EDARADD: variants seen among roughly 807,000 people sequenced by gnomAD.
EDARADD encodes the protein ectodysplasin-A receptor-associated adapter protein.
In EDARADD, 20 loss-of-function variants were observed where a neutral mutation model predicts 25.6. The ratio of observed to expected loss-of-function variants is 0.78; its 90% confidence interval spans 0.55 to 1.14. The LOEUF (loss-of-function observed/expected upper bound fraction) is 1.14. Among genes scored for constraint, EDARADD ranks in the 50% most tolerant of loss-of-function variants. The probability of loss-of-function intolerance (pLI) is 0.00; values close to 1 mark genes in which losing one functional copy is unlikely to be tolerated. For missense variants in EDARADD, 225 were observed against 270.1 expected (o/e 0.83, Z 1.17); for synonymous variants, 86 against 94.4 (o/e 0.91, Z 0.52).
intron 4 of EDARADD, among the ~76,000 whole-genome samples, chr1:236,467,434 A>ACACGCG (rs1307043016): frequency 6.7e-6 from 1 of 149,350 alleles, no homozygotes; most frequent in Non-Finnish European, 1.5e-5. Context: ...GCGCACACAC[A>ACACGCG]CACACACACA....
In EDARADD at chr1:236,404,610, G is replaced by A. The variant is rs549913258; in HGVS notation, c.62-4606G>A. On this transcript the variant is annotated intron_variant, in intron 1 of 5. Transcript: ENST00000334232. ...ACCTGACTAGCCTGGGCAATATAGC[G>A]AGACCCCGTCTCTACAAAAAACAGA... Among the ~76,000 whole-genome samples the A allele has an allele frequency of 1.1e-4, 16 of 152,256 alleles. No homozygotes were observed. In the South Asian group the frequency reaches 3.3e-3, roughly 32 times the overall value.
chr1:236,360,571 A>G (rs1667035555), intron 3 of EDARADD, among the ~76,000 whole-genome samples: 1 of 130,836 alleles, frequency 7.6e-6, no homozygotes, highest in Non-Finnish European at 1.5e-5. Context: ...TTTGAGACAG[A>G]GTCTTGCTCT....
intron 4 of EDARADD, among the ~76,000 whole-genome samples, chr1:236,448,984 C>A (rs1341169952): frequency 3.3e-5 from 5 of 152,126 alleles, no homozygotes; most frequent in Non-Finnish European, 7.3e-5. Context: ...TTATGGTCTC[C>A]CAGTTCTGGA....
At chr1:236,414,322 C>T (rs1657578712) in intron 3 of EDARADD, 23 bp downstream of exon 3, 2 of 1,574,734 alleles carry the variant, frequency 1.3e-6, no homozygotes, top group Non-Finnish European at 1.7e-6. Flanking sequence ...AAAATAACTA[C>T]TTGAACATGT....
At chr1:236,374,282 C>A (rs984975789) in intron 3 of EDARADD, among the ~76,000 whole-genome samples, 1 of 148,780 alleles carries the variant, frequency 6.7e-6, no homozygotes, top group African/African-American at 2.5e-5. Context: ...CCCTTCCTCC[C>A]TTCCTTCCTT....
intron 4 of EDARADD, among the ~76,000 whole-genome samples, chr1:236,460,413 T>C (rs1659007418): frequency 6.6e-6 from 1 of 152,062 alleles, no homozygotes; most frequent in African/African-American, 2.4e-5. Flanking sequence ...TTTGAACTTC[T>C]GGGCTCAGAC....
intron 2 of EDARADD, among the ~76,000 whole-genome samples, chr1:236,412,962 G>A (rs1657537124): frequency 6.6e-6 from 1 of 152,160 alleles, no homozygotes; most frequent in Admixed American, 6.5e-5. Context: ...TCCGCCTCCT[G>A]GGGCAATTCT....
intron 1 of EDARADD, 127 bp from the exon 2 acceptor site, chr1:236,409,089 G>GAAA (rs1432974008): frequency 2.3e-6 from 1 of 436,966 alleles, no homozygotes; most frequent in African/African-American, 2.1e-5. Context: ...AAAAAAAAAG[G>GAAA]AGTAAGGTTT....
intron 4 of EDARADD, among the ~76,000 whole-genome samples, chr1:236,467,092 A>G (rs79527214): frequency 6.7e-6 from 1 of 148,918 alleles, no homozygotes; most frequent in Non-Finnish European, 1.5e-5. Context: ...CAAAAAAAAA[A>G]CACACATTGA....
At chr1:236,445,518 G>A (rs535018449) in intron 4 of EDARADD, among the ~76,000 whole-genome samples, 14 of 152,040 alleles carry the variant, frequency 9.2e-5, no homozygotes, top group Non-Finnish European at 1.9e-4. Flanking sequence ...GTGAGCCACC[G>A]CACCCAGCCC....
intron 3 of EDARADD, among the ~76,000 whole-genome samples, chr1:236,383,801 G>A (rs1667326175): frequency 6.6e-6 from 1 of 151,808 alleles, no homozygotes; most frequent in African/African-American, 2.4e-5. Flanking sequence ...GTCAAAAGCT[G>A]GAGACCAGCC....
intron 3 of EDARADD, among the ~76,000 whole-genome samples, chr1:236,378,964 G>A (rs12123587): frequency 0.095 from 14,406 of 152,124 alleles, 1,026 homozygotes; most frequent in East Asian, 0.3. Flanking sequence ...GTGGAGAGGG[G>A]ATGAGGAGAG....
chr1:236,452,988 G>A (rs1369809086), intron 4 of EDARADD, among the ~76,000 whole-genome samples: 1 of 152,172 alleles, frequency 6.6e-6, no homozygotes, highest in African/African-American at 2.4e-5. Context: ...TGAATGTCAC[G>A]ATGTGAGTAC....
At chr1:236,431,869 C>T in intron 4 of EDARADD, among the ~76,000 whole-genome samples, 1 of 47,642 alleles carries the variant, frequency 2.1e-5, no homozygotes, top group East Asian at 3.5e-4. Context: ...TGCAGTGAGC[C>T]GAGATTGCGC....
In EDARADD at chr1:236,484,087, C is replaced by T. The variant is rs201710490; in HGVS notation, c.*1438C>T. On this transcript the variant is annotated 3_prime_UTR_variant, in exon 6 of 6. Coordinates refer to ENST00000334232, the MANE Select transcript of EDARADD (RefSeq NM_145861.4). This position sits in a 1 kb window ranked among gnomAD's most constrained non-coding sequence, Gnocchi z 4.1. Reference sequence around the variant, plus strand: ...GACTGGGGAGCTTGGCAGAAGTTCACGGCCAGTGCAGGAATCCAGGTAGTG... The same window carrying T: ...GACTGGGGAGCTTGGCAGAAGTTCATGGCCAGTGCAGGAATCCAGGTAGTG... The T allele has an allele frequency of 3.1e-3, 4,927 of 1,574,716 alleles. 13 individuals are homozygous for T. Among genetic ancestry groups the T allele is most frequent in the Non-Finnish European group, 3.8e-3 (4,377 of 1,145,506 alleles).
rs34922732 is a variant in EDARADD, at chr1:236,421,489, C to CTTTTT, written c.161-5881_161-5877dup. Reference sequence around the variant, plus strand: ...TAGGCCATTCAAGACCTTCCCAGTTCTTTTTTTTTTTTTTTTTTTTTTTTT... The same window carrying CTTTTT: ...TAGGCCATTCAAGACCTTCCCAGTTCTTTTTTTTTTTTTTTTTTTTTTTTTTTTTT... On this transcript the variant is annotated intron_variant, in intron 3 of 5. Transcript: ENST00000334232. 3.8e-4 allele frequency among the ~76,000 whole-genome samples: 29 copies of CTTTTT among 75,444 alleles called. 1 individual carries two copies. The highest frequency in any genetic ancestry group is 1.2e-3 in the African/African-American group (27 of 21,672). 49.5% of individuals were successfully genotyped at this position (75,444 alleles called of 152,430 possible).
chr1:236,448,197 G>T (rs1266926033), intron 4 of EDARADD, among the ~76,000 whole-genome samples: 1 of 152,234 alleles, frequency 6.6e-6, no homozygotes, highest in Non-Finnish European at 1.5e-5. Flanking sequence ...TCTGGCTTAA[G>T]TGGCCTGGGG....
intron 4 of EDARADD, among the ~76,000 whole-genome samples, chr1:236,436,219 G>A (rs1370208964): frequency 1.3e-5 from 2 of 151,488 alleles, no homozygotes; most frequent in Non-Finnish European, 2.9e-5. Flanking sequence ...GTGCAGTGGT[G>A]TGATCTCAGC....
At chr1:236,444,721 A>G (rs1026039321) in intron 4 of EDARADD, among the ~76,000 whole-genome samples, 1 of 152,054 alleles carries the variant, frequency 6.6e-6, no homozygotes, top group African/African-American at 2.4e-5. Context: ...ACCGCGCCTG[A>G]CCAACTCTAC....
Sources: allele counts gnomAD v4.1 joint callset (sites outside exome capture counted in the v4.1 genomes callset), GRCh38; gene constraint gnomAD v4.1.1; non-coding constraint Gnocchi (gnomAD v3.1); transcripts MANE v1.5; gene names NCBI Gene and HGNC (gene_info 2026-07-23, HGNC 2026-07-21).